Variants in MCMBP observed in about 807,000 individuals in gnomAD.
MCMBP encodes the protein mini-chromosome maintenance complex-binding protein.
Under a neutral mutation model 81.3 loss-of-function variants are expected in MCMBP, and 31 were observed. That is an observed-to-expected ratio of 0.38 (90% CI 0.29 to 0.51). The LOEUF (loss-of-function observed/expected upper bound fraction) is 0.51. Among genes scored for constraint, MCMBP ranks in the 20% least tolerant of loss-of-function variants. The pLI is 0.87. For synonymous variants in MCMBP, 267 were observed against 275.9 expected, an observed-to-expected ratio of 0.97 and a Z score of 0.32; for missense variants, 645 against 772.1, an observed-to-expected ratio of 0.84 and a Z score of 1.95.
In MCMBP at chr10:119,847,842, A is replaced by C. The variant is rs1257541300; in HGVS notation, c.727-129T>G. ...CTTAAAGCAAGTCCTTTATTTTATA[A>C]ATTTTTATAAATTGAGACCAAGAGT... is the stretch of plus-strand genomic sequence containing the variant. On this transcript the variant is annotated intron_variant, in intron 7 of 15. Transcript: ENST00000369077. 8.4e-6 allele frequency: 4 copies of C among 478,740 alleles called. No individual in the cohort carries two copies. The Admixed American group carries it at 1.2e-4, about 14-fold the overall frequency. The allele number at this position is 478,740 out of a possible 1,614,324, so 29.7% of individuals were successfully genotyped here.
intron 5 of MCMBP, among the ~76,000 whole-genome samples, chr10:119,855,603 T>A (rs142425898): frequency 5.0e-4 from 76 of 151,846 alleles, no homozygotes; most frequent in African/African-American, 1.8e-3. Flanking sequence ...CCTGGCAGGC[T>A]GAGGTTGCAG....
At chr10:119,872,133 T>C (rs1853699376) in intron 1 of MCMBP, among the ~76,000 whole-genome samples, 1 of 152,090 alleles carries the variant, frequency 6.6e-6, no homozygotes, top group Non-Finnish European at 1.5e-5. Flanking sequence ...GCAAAGTGGT[T>C]TTCCCTCCCC....
At chr10:119,841,664 C>T (rs1056311640) in intron 10 of MCMBP, among the ~76,000 whole-genome samples, 23 of 152,160 alleles carry the variant, frequency 1.5e-4, no homozygotes, top group African/African-American at 3.9e-4. Flanking sequence ...TAAAGGTTAA[C>T]GGAGGTTCTA....
chr10:119,870,325 T>C (rs891373638), intron 1 of MCMBP, among the ~76,000 whole-genome samples: 4 of 152,068 alleles, frequency 2.6e-5, no homozygotes, highest in Admixed American at 6.5e-5. Flanking sequence ...CGCGGGCCTA[T>C]AGTCTCAGCT....
chr10:119,855,797 AAG>A (rs1167309034), intron 5 of MCMBP, among the ~76,000 whole-genome samples: 1 of 152,252 alleles, frequency 6.6e-6, no homozygotes, highest in East Asian at 1.9e-4. Flanking sequence ...TTGGGAATGA[AAG>A]AGATCAATGC....
chr10:119,843,348 T>A lies in MCMBP; in HGVS notation c.906A>T (p.Ser302=), dbSNP rs1158525651. 1.4e-5 allele frequency: 22 copies of A among 1,614,024 alleles called. No individual in the cohort carries two copies. Among genetic ancestry groups the A allele is most frequent in the Non-Finnish European group, 1.9e-5 (22 of 1,179,982 alleles). ...EEQRVHSPPA[S]LVPRIHVILA... is the part of the protein sequence containing the mutation. ...AGATCACATGAATTCTCGGCACTAATGAAGCAGGAGGACTGTGTACTCTCT... is the reference window on the plus strand; with the variant it reads ...AGATCACATGAATTCTCGGCACTAAAGAAGCAGGAGGACTGTGTACTCTCT... The change falls in exon 9 of 16, where the codon TCA becomes TCT. Residue 302 remains serine (S), a synonymous_variant. Coordinates refer to ENST00000369077, the MANE Select transcript of MCMBP (RefSeq NM_001256378.2).
At chr10:119,843,594 C>T (rs1166599368) in intron 8 of MCMBP, among the ~76,000 whole-genome samples, 168 bp from the exon 9 acceptor site, 1 of 152,176 alleles carries the variant, frequency 6.6e-6, no homozygotes, top group East Asian at 1.9e-4. Context: ...TTACATCACA[C>T]AGACTTCAGG....
chr10:119,841,672 C>A (rs1852438051), intron 10 of MCMBP, among the ~76,000 whole-genome samples: 1 of 152,202 alleles, frequency 6.6e-6, no homozygotes, highest in South Asian at 2.1e-4. Flanking sequence ...AACGGAGGTT[C>A]TAAGTGGTGA....
chr10:119,846,613 C>A (rs1035016283), intron 8 of MCMBP, among the ~76,000 whole-genome samples: 9 of 152,304 alleles, frequency 5.9e-5, no homozygotes, highest in Admixed American at 3.9e-4. Flanking sequence ...ATTAACCTCA[C>A]CAGTAAAGGG....
rs1446223245 is a variant in MCMBP, at chr10:119,853,209, TAAGAA to T, written c.430-20_430-16del. The T allele has an allele frequency of 6.2e-7, 1 of 1,609,924 alleles. No homozygotes were observed. Among genetic ancestry groups the T allele is most frequent in the Non-Finnish European group, 8.5e-7 (1 of 1,177,126 alleles). ...TTAACATAGGCGTTAAACGAAAAGTTAAGAAAAGACTATCATAAACTGAGGAATAT... is the reference window on the plus strand; with the variant it reads ...TTAACATAGGCGTTAAACGAAAAGTTAAGACTATCATAAACTGAGGAATAT... On this transcript the variant is annotated splice_polypyrimidine_tract_variant and intron_variant, in intron 5 of 15. Coordinates refer to ENST00000369077, the MANE Select transcript of MCMBP (RefSeq NM_001256378.2).
intron 1 of MCMBP, among the ~76,000 whole-genome samples, chr10:119,865,412 T>C (rs1244885031): frequency 6.6e-6 from 1 of 152,112 alleles, no homozygotes; most frequent in African/African-American, 2.4e-5. Flanking sequence ...GCCAACATGG[T>C]GAAACCTCAT....
chr10:119,847,789 T>C, intron 7 of MCMBP, 76 bp from the exon 8 acceptor site: 2 of 760,642 alleles, frequency 2.6e-6, no homozygotes. Flanking sequence ...AGTACCAATA[T>C]CTTGGAATTT....
At chr10:119,861,366 C>G (rs1317585476) in intron 1 of MCMBP, among the ~76,000 whole-genome samples, 4 of 152,142 alleles carry the variant, frequency 2.6e-5, no homozygotes, top group African/African-American at 9.7e-5. Context: ...TTAGCATCAT[C>G]TGAGTACTTG....
intron 11 of MCMBP, among the ~76,000 whole-genome samples, chr10:119,838,953 A>C (rs1852342466): frequency 2.0e-5 from 3 of 152,202 alleles, no homozygotes; most frequent in Admixed American, 2.0e-4. Flanking sequence ...TTTTAATTTA[A>C]CCAATGAAAC....
chr10:119,859,596 G>A (rs1435085044), intron 2 of MCMBP, among the ~76,000 whole-genome samples: 3 of 152,072 alleles, frequency 2.0e-5, no homozygotes, highest in Non-Finnish European at 4.4e-5. Flanking sequence ...GTCAGTTACT[G>A]CCACCTAGAG....
intron 14 of MCMBP, 121 bp from the exon 15 acceptor site, chr10:119,832,221 G>A (rs754828713): frequency 1.2e-4 from 84 of 690,372 alleles, no homozygotes; most frequent in Non-Finnish European, 1.7e-4. Flanking sequence ...GGCAATATGG[G>A]TGAAAGTACC....
intron 1 of MCMBP, among the ~76,000 whole-genome samples, chr10:119,869,983 C>T (rs946549152): frequency 2.6e-5 from 4 of 152,138 alleles, no homozygotes; most frequent in African/African-American, 4.8e-5. Context: ...GTGCTAACAC[C>T]GAGGAGGTGA....
chr10:119,835,654 C>T lies in MCMBP; in HGVS notation c.1593G>A (p.Glu531=). The change falls in exon 14 of 16, where the codon GAG becomes GAA. Residue 531 remains glutamate (E), a synonymous_variant. Coordinates refer to ENST00000369077, the MANE Select transcript of MCMBP (RefSeq NM_001256378.2). ...LQPQLIPPNM[E]EYMNSLLSAV... ...CTGAGAGAAGGCTGTTCATGTACTC[C>T]TCCATGTTTGGTGGAATTAGCTGGG... 1.2e-6 allele frequency: 2 copies of T among 1,614,236 alleles called. No individual in the cohort carries two copies. The highest frequency in any genetic ancestry group is 2.2e-5 in the East Asian group (1 of 44,888).
rs138481827 is a variant in MCMBP at position 119,843,404 on chromosome 10, G to A, written c.850C>T (p.Pro284Ser). 732 of 1,613,864 alleles carry A rather than the reference G, an allele frequency of 4.5e-4. 3 individuals are homozygous for A. The African/African-American group carries it at 8.5e-3, about 19-fold the overall frequency. ...TCTGCTGTGTCTGTGCACTCCATCGGATCCAGCAGTGCAGAGGCATCCCTG... is the reference window on the plus strand; with the variant it reads ...TCTGCTGTGTCTGTGCACTCCATCGAATCCAGCAGTGCAGAGGCATCCCTG... The part of the protein sequence containing the change: ...DERDASALLD[P>S]MECTDTAEEQ... Residue 284 changes from proline to serine, a missense_variant, in exon 9 of 16, where the codon CCG becomes TCG. Pro to Ser is a moderately conservative substitution (Grantham distance 74). Coordinates refer to ENST00000369077, the MANE Select transcript of MCMBP (RefSeq NM_001256378.2).
Sources: gnomAD v4.1 joint callset for allele counts (sites outside exome capture counted in the v4.1 genomes callset) on GRCh38, gnomAD v4.1.1 for gene constraint, MANE v1.5 for transcripts, NCBI Gene and HGNC (gene_info 2026-07-23, HGNC 2026-07-21) for gene names.